The following MCF2L variants were observed in gnomAD, a reference collection of about 807,000 sequenced individuals.
MCF2L encodes guanine nucleotide exchange factor DBS.
A neutral mutation model predicts 153.4 loss-of-function variants in MCF2L; 97 were observed. The ratio of observed to expected loss-of-function variants is 0.63; its 90% CI spans 0.54 to 0.75. The LOEUF is 0.75. MCF2L is among the 30% of genes least tolerant of loss of function. The probability of loss-of-function intolerance (pLI) is 0.00; values close to 1 mark genes in which losing one functional copy is unlikely to be tolerated. For missense variants in MCF2L, 1,347 were observed against 1,495.2 expected (o/e 0.90, Z 1.64); for synonymous variants, 659 against 632.2 (o/e 1.04, Z -0.64).
intron 26 of MCF2L, chr13:113,090,489 C>G: frequency 2.1e-6 from 2 of 972,888 alleles, no homozygotes; most frequent in Non-Finnish European, 2.4e-6. Context: ...CTGCAGGGTG[C>G]TGACCTTGCT....
chr13:112,897,988 G>T (rs1412409559), intron 1 of MCF2L, among the ~76,000 whole-genome samples: 1 of 152,014 alleles, frequency 6.6e-6, no homozygotes, highest in Non-Finnish European at 1.5e-5. Flanking sequence ...CCCAGCCCCG[G>T]CCCCGGCCCC....
At chr13:113,091,656 C>G (rs1342571051) in intron 26 of MCF2L, among the ~76,000 whole-genome samples, 1 of 151,424 alleles carries the variant, frequency 6.6e-6, no homozygotes, top group Non-Finnish European at 1.5e-5. Context: ...CCAATGAGGC[C>G]GAGCTCCCTG....
Position 112,943,855 on chromosome 13 carries a change from A to C in MCF2L, c.169+41484A>C, listed in dbSNP as rs2140678282. The stretch of plus-strand genomic sequence containing the variant: ...GGCGGGGTGAGGGGATCTCGGTGGC[A>C]GCGGGGACAGCGCGGCCCCGAGAAC... On this transcript the variant is annotated intron_variant, in intron 2 of 29. Transcript: ENST00000375608. This position sits in a 1 kb window ranked among gnomAD's most constrained non-coding sequence, Gnocchi z 4.2. Among the ~76,000 whole-genome samples, 1 of 150,740 alleles carries C rather than the reference A, an allele frequency of 6.6e-6. No individual in the cohort carries two copies. Among genetic ancestry groups the C allele is most frequent in the Non-Finnish European group, 1.5e-5 (1 of 67,496 alleles).
chr13:112,982,238 G>A (rs774028279), intron 1 of MCF2L, among the ~76,000 whole-genome samples: 3 of 152,204 alleles, frequency 2.0e-5, no homozygotes, highest in East Asian at 1.9e-4. Context: ...TGCCCACCTC[G>A]TGAAGGGGAT....
intron 1 of MCF2L, among the ~76,000 whole-genome samples, chr13:112,986,011 C>T (rs1052106322): frequency 6.6e-6 from 1 of 152,262 alleles, no homozygotes; most frequent in Non-Finnish European, 1.5e-5. Flanking sequence ...CTTCCCGTCC[C>T]GTGGTCAGTG....
At chr13:113,056,058 A>G (rs1334159508) in intron 4 of MCF2L, among the ~76,000 whole-genome samples, 1 of 152,216 alleles carries the variant, frequency 6.6e-6, no homozygotes, top group Admixed American at 6.5e-5. Context: ...CTCCCCACGC[A>G]ATGCAGATGA....
At chr13:112,925,648 T>C (rs1042432248) in intron 2 of MCF2L, among the ~76,000 whole-genome samples, 4 of 152,222 alleles carry the variant, frequency 2.6e-5, no homozygotes, top group Non-Finnish European at 4.4e-5. Context: ...TGCTACCTCT[T>C]GGGAAATATT....
chr13:112,902,378 G>T (rs750714586), intron 2 of MCF2L: 4 of 1,610,532 alleles, frequency 2.5e-6, no homozygotes, highest in Non-Finnish European at 3.4e-6. Flanking sequence ...ACAGGTAGGC[G>T]CCTGGTGCTG....
In MCF2L at chr13:112,941,414, T is replaced by C. The variant is rs1166496713; in HGVS notation, c.169+39043T>C. On this transcript the variant is annotated intron_variant, in intron 2 of 29. Coordinates refer to the MCF2L transcript ENST00000375608. This position sits in a 1 kb window ranked among gnomAD's most constrained non-coding sequence, Gnocchi z 4.9. Reference sequence around the variant, plus strand: ...AATTTCTATTTGAAATAAAATTCCTTGTACATTTCCTTTAGGTGTAAAAGG... The same window carrying C: ...AATTTCTATTTGAAATAAAATTCCTCGTACATTTCCTTTAGGTGTAAAAGG... Among the ~76,000 whole-genome samples the C allele has an allele frequency of 6.6e-6, 1 of 151,230 alleles. No individual in the cohort carries two copies. The highest frequency in any genetic ancestry group is 1.5e-5 in the Non-Finnish European group (1 of 67,856).
chr13:112,902,054 G>T, intron 1 of MCF2L: 1 of 645,442 alleles, frequency 1.5e-6, no homozygotes. Context: ...GGAGAAGAAT[G>T]AATTTAGTTT....
chr13:113,029,561 G>A (rs987111093), intron 3 of MCF2L, among the ~76,000 whole-genome samples: 2 of 152,214 alleles, frequency 1.3e-5, no homozygotes, highest in African/African-American at 4.8e-5. Context: ...AAAATTGCCA[G>A]GCTAGTGACA....
chr13:113,001,988 G>A (rs1179639156), intron 1 of MCF2L: 11 of 1,576,000 alleles, frequency 7.0e-6, no homozygotes, highest in Middle Eastern at 2.2e-4. Context: ...GCGCAGGTGC[G>A]TGGGGCGCGG....
At chr13:113,048,434 G>C (rs945599221) in intron 4 of MCF2L, among the ~76,000 whole-genome samples, 1 of 140,062 alleles carries the variant, frequency 7.1e-6, no homozygotes, top group Non-Finnish European at 1.5e-5. Context: ...AATAATTTAC[G>C]GTCTTTTTTT....
At chr13:113,076,603 G>A (rs2033504588) in intron 12 of MCF2L, among the ~76,000 whole-genome samples, 1 of 152,228 alleles carries the variant, frequency 6.6e-6, no homozygotes, top group South Asian at 2.1e-4. Context: ...GCATATGAGA[G>A]AAACACACAG....
rs2035733703 is a variant in MCF2L, at chr13:113,097,134, T to C, written c.*275T>C. 9 of 323,596 alleles carry C rather than the reference T, an allele frequency of 2.8e-5. No individual in the cohort carries two copies. The East Asian group carries it at 4.0e-4, about 14-fold the overall frequency. 20.0% of individuals were successfully genotyped at this position (323,596 alleles called of 1,614,324 possible). ...CCGGGCAGCGGCATCTCGTCCTGGC[T>C]CCACCGTGCTGCTTCTGCCTCTGGA... On this transcript the variant is annotated 3_prime_UTR_variant, in exon 30 of 30. Transcript: ENST00000535094.
intron 1 of MCF2L, among the ~76,000 whole-genome samples, chr13:113,014,374 G>A (rs1038618622): frequency 2.6e-5 from 4 of 152,160 alleles, no homozygotes; most frequent in African/African-American, 9.7e-5. Context: ...GGCAGGGGTC[G>A]CCTGAACATT....
At chr13:113,002,046 A>T in intron 1 of MCF2L, 1 of 1,444,998 alleles carries the variant, frequency 6.9e-7, no homozygotes, top group Non-Finnish European at 9.1e-7. Flanking sequence ...CAGTGCGGGG[A>T]CGCCGGGCGG....
At chr13:113,023,253 C>A (rs753737599) in intron 2 of MCF2L, among the ~76,000 whole-genome samples, 5 of 152,194 alleles carry the variant, frequency 3.3e-5, no homozygotes, top group Admixed American at 1.3e-4. Flanking sequence ...GCTTGTGTGA[C>A]GTCCTGGCCG....
At chr13:112,910,184 T>C (rs2140519604) in intron 2 of MCF2L, 1 of 152,396 alleles carries the variant, frequency 6.6e-6, no homozygotes, top group African/African-American at 2.4e-5. Flanking sequence ...ACAAGGTCTC[T>C]TTCTCTTTCC....
Sources: allele counts gnomAD v4.1 joint callset (sites outside exome capture counted in the v4.1 genomes callset), GRCh38; gene constraint gnomAD v4.1.1; non-coding constraint Gnocchi (gnomAD v3.1); transcripts MANE v1.5; gene names NCBI Gene and HGNC (gene_info 2026-07-23, HGNC 2026-07-21).